SLC45A4: variants seen among roughly 807,000 people sequenced by gnomAD.
SLC45A4 encodes the protein solute carrier family 45 member 4.
A neutral mutation model predicts 63.7 loss-of-function variants in SLC45A4; 32 were observed. That is an observed-to-expected ratio of 0.50 (90% CI 0.38 to 0.67). The LOEUF (loss-of-function observed/expected upper bound fraction) is 0.67. Among genes scored for constraint, SLC45A4 ranks in the 30% least tolerant of loss-of-function variants. The pLI is 0.00. For missense variants in SLC45A4, 1,027 were observed against 1,157.7 expected (o/e 0.89, Z 1.64); for synonymous variants, 535 against 510.0 (o/e 1.05, Z -0.66).
In SLC45A4 at chr8:141,254,517, G is replaced by C; in HGVS notation, c.-288C>G. 1 of 699,914 alleles carries C rather than the reference G, an allele frequency of 1.4e-6. No homozygotes were observed. Among genetic ancestry groups the C allele is most frequent in the East Asian group, 2.7e-5 (1 of 37,254 alleles). The allele number at this position is 699,914 out of a possible 1,614,324, so 43.4% of individuals were successfully genotyped here. ...CATAATTGCCATTCAGTTAATACCAGTTTCATCATTATTACTGAAGAGGTG... is the reference window on the plus strand; with the variant it reads ...CATAATTGCCATTCAGTTAATACCACTTTCATCATTATTACTGAAGAGGTG... On this transcript the variant is annotated 5_prime_UTR_variant, in exon 2 of 9. Coordinates refer to ENST00000517878, the MANE Select transcript of SLC45A4 (RefSeq NM_001286646.2). The surrounding 1 kb of genome is among the most constrained non-coding windows in gnomAD (Gnocchi z 4.5).
In SLC45A4 at chr8:141,308,249, A is replaced by G. The variant is rs1830964999; in HGVS notation, c.-554T>C. The G allele has an allele frequency of 1.4e-5, 2 of 146,732 alleles. No individual in the cohort carries two copies. Among genetic ancestry groups the G allele is most frequent in the South Asian group, 4.0e-4 (2 of 5,054 alleles). 9.1% of individuals were successfully genotyped at this position (146,732 alleles called of 1,614,324 possible). Reference sequence around the variant, plus strand: ...CCCTCGGCCGGCCGGCCGGGCGGTCAGTCAGCGACGCGGGCGCGGAGAGAG... The same window carrying G: ...CCCTCGGCCGGCCGGCCGGGCGGTCGGTCAGCGACGCGGGCGCGGAGAGAG... On this transcript the variant is annotated 5_prime_UTR_variant, in exon 1 of 9. Coordinates refer to ENST00000517878, the MANE Select transcript of SLC45A4 (RefSeq NM_001286646.2).
chr8:141,218,953 G>A lies in SLC45A4; in HGVS notation c.687C>T (p.Thr229=). 1 of 1,613,682 alleles carries A rather than the reference G, an allele frequency of 6.2e-7. No homozygotes were observed. The highest frequency in any genetic ancestry group is 1.1e-5 in the South Asian group (1 of 91,082). ...CAAAGAAGAAGAGCACCTGGTTCTG[G>A]GTCCGGAACCAGCTGCCCAGGAAGG... The part of the protein sequence containing the change: ...TQTFLGSWFR[T]QNQVLFFFAA... Residue 229 remains threonine, a synonymous_variant, in exon 5 of 9, where the codon ACC becomes ACT. Transcript: ENST00000517878.
At chr8:141,266,136 G>A (rs1829255005) in intron 1 of SLC45A4, among the ~76,000 whole-genome samples, 1 of 152,226 alleles carries the variant, frequency 6.6e-6, no homozygotes, top group Non-Finnish European at 1.5e-5. Context: ...AGCGACAGGA[G>A]AATTCCGTGA....
Position 141,254,182 on chromosome 8 carries a change from T to G in SLC45A4, c.48A>C (p.Gln16His), listed in dbSNP as rs1025102956. The change falls in exon 2 of 9, where the codon CAA (glutamine) becomes CAC (histidine). Residue 16 changes from glutamine (Q) to histidine (H), a missense_variant. Coordinates refer to ENST00000517878, the MANE Select transcript of SLC45A4 (RefSeq NM_001286646.2). This position sits in a 1 kb window ranked among gnomAD's most constrained non-coding sequence, Gnocchi z 4.5. ...GGTCCGGCAGGGGCACGGATAACTCTTGAACTTGCATAGATTCCGGGTCGG... is the reference window on the plus strand; with the variant it reads ...GGTCCGGCAGGGGCACGGATAACTCGTGAACTTGCATAGATTCCGGGTCGG... ...QNADPESMQV[Q>H]ELSVPLPDPQ... 16 of 1,535,964 alleles carry G rather than the reference T, an allele frequency of 1.0e-5. No individual in the cohort carries two copies. The East Asian group carries it at 3.9e-4, about 38-fold the overall frequency.
chr8:141,283,942 C>G (rs1830050301), intron 1 of SLC45A4, among the ~76,000 whole-genome samples: 1 of 152,214 alleles, frequency 6.6e-6, no homozygotes, highest in Admixed American at 6.5e-5. Flanking sequence ...CAAACCCAAT[C>G]AGGCTGTGTG....
rs1446145726 is a variant in SLC45A4, at chr8:141,207,452, CTAAAACG to C, written c.*4113_*4119del. The C allele has an allele frequency of 6.6e-6, 1 of 152,250 alleles. No individual in the cohort carries two copies. Among genetic ancestry groups the C allele is most frequent in the Non-Finnish European group, 1.5e-5 (1 of 68,048 alleles). 9.4% of individuals were successfully genotyped at this position (152,250 alleles called of 1,614,324 possible). ...GACACTTCCTTACGACCTCTCTCTC[CTAAAACG>C]TAACATTATGTGTTTAACACACGCT... On this transcript the variant is annotated 3_prime_UTR_variant, in exon 9 of 9. Coordinates refer to ENST00000517878, the MANE Select transcript of SLC45A4 (RefSeq NM_001286646.2).
In SLC45A4 at chr8:141,227,253, C is replaced by T. The variant is rs1238909733; in HGVS notation, c.242-5488G>A. On this transcript the variant is annotated intron_variant, in intron 2 of 8. Transcript: ENST00000517878. The surrounding 1 kb of genome is among the most constrained non-coding windows in gnomAD (Gnocchi z 4.4). ...GAGGTCACGGGCGACGCTCGGGTCA[C>T]GTGTGGCGGCTCCTGTTCACAGTGC... Among the ~76,000 whole-genome samples the T allele has an allele frequency of 6.6e-6, 1 of 151,956 alleles. No homozygotes were observed. Among genetic ancestry groups the T allele is most frequent in the Non-Finnish European group, 1.5e-5 (1 of 67,990 alleles).
intron 1 of SLC45A4, among the ~76,000 whole-genome samples, chr8:141,262,573 T>C (rs1370601888): frequency 6.6e-6 from 1 of 151,298 alleles, no homozygotes; most frequent in African/African-American, 2.4e-5. Context: ...CAGACACTTC[T>C]CAAAAGAAGA....
rs931676854 is a variant in SLC45A4 at position 141,235,877 on chromosome 8, G to A, written c.242-14112C>T. On this transcript the variant is annotated intron_variant, in intron 2 of 8. Coordinates refer to ENST00000517878, the MANE Select transcript of SLC45A4 (RefSeq NM_001286646.2). ...AGCACTTCGGGAGGCTGAGGCGGGC[G>A]GATCACCTGAGGTCAGGAGTTCGAG... Among the ~76,000 whole-genome samples, 30 of 152,110 alleles carry A rather than the reference G, an allele frequency of 2.0e-4. 1 individual carries two copies. Among genetic ancestry groups the A allele is most frequent in the Non-Finnish European group, 2.9e-4 (20 of 68,006 alleles).
rs1324933113 is a variant in SLC45A4 at position 141,307,764 on chromosome 8, G to C, written c.-401+332C>G. 3.3e-5 allele frequency among the ~76,000 whole-genome samples: 4 copies of C among 122,614 alleles called. No homozygotes were observed. The East Asian group carries it at 1.2e-3, about 35-fold the overall frequency. 80.4% of individuals were successfully genotyped at this position (122,614 alleles called of 152,430 possible). ...GGGGGCGGGGAGGACTGATGGGTGC[G>C]AAAGCGGGCCGGGTCCAAATGAAGG... On this transcript the variant is annotated intron_variant, in intron 1 of 8. Coordinates refer to ENST00000517878, the MANE Select transcript of SLC45A4 (RefSeq NM_001286646.2).
intron 2 of SLC45A4, among the ~76,000 whole-genome samples, chr8:141,240,830 G>A (rs944568164): frequency 6.6e-6 from 1 of 152,368 alleles, no homozygotes; most frequent in East Asian, 1.9e-4. Flanking sequence ...ATCACCTGCC[G>A]TGCTGCAGTG....
rs141399161 is a variant in SLC45A4, at chr8:141,212,434, G to T, written c.2064C>A (p.Ala688=). 2 of 1,613,680 alleles carry T rather than the reference G, an allele frequency of 1.2e-6. No individual in the cohort carries two copies. The highest frequency in any genetic ancestry group is 1.7e-5 in the Admixed American group (1 of 60,010). Residue 688 remains alanine (A), a synonymous_variant, in exon 8 of 9, where the codon GCC becomes GCA. Coordinates refer to ENST00000517878, the MANE Select transcript of SLC45A4 (RefSeq NM_001286646.2). ...VASALGGVVD[A]VGTVRVIPMV... Reference sequence around the variant, plus strand: ...TGGGGATGACGCGGACAGTCCCCACGGCGTCGACCACGCCCCCAAGGGCAG... The same window carrying T: ...TGGGGATGACGCGGACAGTCCCCACTGCGTCGACCACGCCCCCAAGGGCAG...
chr8:141,232,263 G>C (rs534831028), intron 2 of SLC45A4, among the ~76,000 whole-genome samples: 1 of 152,248 alleles, frequency 6.6e-6, no homozygotes, highest in Non-Finnish European at 1.5e-5. Flanking sequence ...TGCTCTGTGC[G>C]CCATGCTTTG....
At chr8:141,294,130 TGTAGACCAGGGTCTCC>T (rs1035413717) in intron 1 of SLC45A4, among the ~76,000 whole-genome samples, 14 of 151,684 alleles carry the variant, frequency 9.2e-5, no homozygotes, top group Admixed American at 4.6e-4. Flanking sequence ...CCAGGATCTC[TGTAGACCAGGGTCTCC>T]GTGGACCAGG....
In SLC45A4 at chr8:141,218,609, G is replaced by T. The variant is rs779238287; in HGVS notation, c.1031C>A (p.Pro344His). 1 of 1,613,412 alleles carries T rather than the reference G, an allele frequency of 6.2e-7. No homozygotes were observed. The highest frequency in any genetic ancestry group is 1.7e-4 in the Middle Eastern group (1 of 6,060). ...GGCGAGCTCCTGGCTGGTGCTGCGG[G>T]GGGTGGCGGGGTAGGAGGCGTCGTG... Reference protein sequence around the residue: ...IFHDASYPATPRSTSQELAKT... With the variant: ...IFHDASYPATHRSTSQELAKT... The change falls in exon 5 of 9, where the codon CCC becomes CAC. Residue 344 changes from proline to histidine, a missense_variant. Transcript: ENST00000517878.
Position 141,212,311 on chromosome 8 carries a change from G to T in SLC45A4, c.2187C>A (p.Gly729=). The change falls in exon 8 of 9, where the codon GGC becomes GGA. Residue 729 remains glycine, a synonymous_variant. Transcript: ENST00000517878. ...VSEEAKEEQK[G]LSSPLAGEGR... is the part of the protein sequence containing the mutation. ...CTTCGCCGGCCAACGGGGAAGACAG[G>T]CCTTTCTGCTCCTCCTTGGCCTCCT... 2 of 1,610,826 alleles carry T rather than the reference G, an allele frequency of 1.2e-6. No homozygotes were observed. Among genetic ancestry groups the T allele is most frequent in the Non-Finnish European group, 1.7e-6 (2 of 1,177,932 alleles).
intron 7 of SLC45A4, among the ~76,000 whole-genome samples, 177 bp from the exon 8 acceptor site, chr8:141,212,733 C>T (rs1569557839): frequency 6.6e-6 from 1 of 152,210 alleles, no homozygotes; most frequent in Non-Finnish European, 1.5e-5. Flanking sequence ...CAGCACTGTA[C>T]AGGCGGAAGA....
intron 2 of SLC45A4, among the ~76,000 whole-genome samples, chr8:141,223,027 T>C (rs571139296): frequency 2.0e-5 from 3 of 152,298 alleles, no homozygotes; most frequent in South Asian, 2.1e-4. Flanking sequence ...CTGGCTAACA[T>C]TGTACACTGC....
chr8:141,235,922 T>C (rs1276538491), intron 2 of SLC45A4, among the ~76,000 whole-genome samples: 10 of 152,040 alleles, frequency 6.6e-5, no homozygotes. Flanking sequence ...GCCAACATGG[T>C]GAAACCCCGT....
Sources: gnomAD v4.1 joint callset for allele counts (sites outside exome capture counted in the v4.1 genomes callset) on GRCh38, gnomAD v4.1.1 for gene constraint, Gnocchi (gnomAD v3.1) non-coding constraint, MANE v1.5 for transcripts, NCBI Gene and HGNC (gene_info 2026-07-23, HGNC 2026-07-21) for gene names.